LRRC31: variants seen among roughly 807,000 people sequenced by gnomAD.
LRRC31 encodes leucine rich repeat containing 31.
Under a neutral mutation model 46.7 loss-of-function variants are expected in LRRC31, and 35 were observed. The ratio of observed to expected loss-of-function variants is 0.75; its 90% CI spans 0.57 to 0.99. The LOEUF (loss-of-function observed/expected upper bound fraction) is 0.99, where lower values mean the gene tolerates loss of function less well. LRRC31 is among the 50% of genes least tolerant of loss of function. The pLI is 0.00. For synonymous variants in LRRC31, 236 were observed against 235.1 expected, an observed-to-expected ratio of 1.00 and a Z score of -0.03; for missense variants, 613 against 626.1, an observed-to-expected ratio of 0.98 and a Z score of 0.22.
intron 7 of LRRC31, among the ~76,000 whole-genome samples, chr3:169,851,346 G>A (rs1471276535): frequency 6.6e-6 from 1 of 152,116 alleles, no homozygotes; most frequent in Non-Finnish European, 1.5e-5. Context: ...CTGGGAAGCG[G>A]AGGTTGCAGT....
intron 2 of LRRC31, 45 bp downstream of exon 2, chr3:169,861,625 G>T: frequency 6.3e-7 from 1 of 1,595,756 alleles, no homozygotes. Flanking sequence ...TTATCTCAAT[G>T]GAAAGGCCCT....
chr3:169,851,538 C>A, intron 7 of LRRC31, 81 bp downstream of exon 7: 2 of 1,401,604 alleles, frequency 1.4e-6, no homozygotes, highest in Non-Finnish European at 2.0e-6. Flanking sequence ...CTGGCTGAGC[C>A]TTGGAATGAA....
chr3:169,863,581 T>C (rs1245970873), intron 1 of LRRC31, among the ~76,000 whole-genome samples: 1 of 152,246 alleles, frequency 6.6e-6, no homozygotes, highest in Non-Finnish European at 1.5e-5. Context: ...TTGGGATGCT[T>C]GGTGTTACCA....
Position 169,851,791 on chromosome 3 carries a change from T to TA in LRRC31, c.992-6dup. The TA allele has an allele frequency of 1.9e-6, 3 of 1,613,698 alleles. No individual in the cohort carries two copies. Among genetic ancestry groups the TA allele is most frequent in the Non-Finnish European group, 2.5e-6 (3 of 1,179,838 alleles). On this transcript the variant is annotated splice_region_variant and splice_polypyrimidine_tract_variant and intron_variant, in intron 6 of 8. Transcript: ENST00000316428. Reference sequence around the variant, plus strand: ...AAAGTAAAGGAATGACCTGGGCTGTTAAAAATATCAACAGTGACATGTTTT... The same window carrying TA: ...AAAGTAAAGGAATGACCTGGGCTGTTAAAAAATATCAACAGTGACATGTTTT...
At chr3:169,860,807 C>G in intron 2 of LRRC31, 79 bp from the exon 3 acceptor site, 1 of 1,414,940 alleles carries the variant, frequency 7.1e-7, no homozygotes, top group African/African-American at 1.4e-5. Context: ...TGCTTACATA[C>G]ACAGGATATA....
chr3:169,857,486 C>G (rs1781003564), intron 3 of LRRC31, among the ~76,000 whole-genome samples: 1 of 144,208 alleles, frequency 6.9e-6, no homozygotes, highest in Non-Finnish European at 1.5e-5. Flanking sequence ...AATAATAGAG[C>G]ATCAGGCACT....
In LRRC31 at chr3:169,848,134, T is replaced by A. The variant is rs747489734; in HGVS notation, c.1313A>T (p.Asp438Val). 1.1e-5 allele frequency: 18 copies of A among 1,613,382 alleles called. 1 individual carries two copies. Among genetic ancestry groups the A allele is most frequent in the East Asian group, 2.2e-5 (1 of 44,870 alleles). Residue 438 changes from aspartate (D) to valine (V), a missense_variant, in exon 8 of 9, where the codon GAT (aspartate) becomes GTT (valine). Coordinates refer to ENST00000316428, the MANE Select transcript of LRRC31 (RefSeq NM_024727.4). ...RLSSCSLVTE[D>V]VALLASVIQT... ...TAGATACACACCCAGGAGAGCCACA[T>A]CCTCTGTCACCAGGGAACAGCTGCT...
chr3:169,857,227 G>T (rs529940340), intron 3 of LRRC31, among the ~76,000 whole-genome samples: 2 of 150,000 alleles, frequency 1.3e-5, no homozygotes, highest in African/African-American at 2.5e-5. Flanking sequence ...CAGCATTTCT[G>T]AGAAGTTTGA....
chr3:169,861,716 T>C lies in LRRC31; in HGVS notation c.273A>G (p.Leu91=). ...TTGTTAATCCACAGTTATTCAAATCTAGACACTTGTTGACAGCCTTTTTGC... is the reference window on the plus strand; with the variant it reads ...TTGTTAATCCACAGTTATTCAAATCCAGACACTTGTTGACAGCCTTTTTGC... ...KLGKKAVNKC[L]DLNNCGLTTA... is the part of the protein sequence containing the mutation. The change falls in exon 2 of 9, where the codon CTA becomes CTG. Residue 91 remains leucine (L), a synonymous_variant. Transcript: ENST00000316428. 6.2e-7 allele frequency: 1 copy of C among 1,614,188 alleles called. No homozygotes were observed. The highest frequency in any genetic ancestry group is 8.5e-7 in the Non-Finnish European group (1 of 1,180,024).
intron 3 of LRRC31, among the ~76,000 whole-genome samples, chr3:169,859,006 C>CA (rs1252945211): frequency 0.014 from 87 of 6,302 alleles, 1 homozygote; most frequent in African/African-American, 0.025. Context: ...AACGCCATCT[C>CA]AAAAAAAAAA....
intron 3 of LRRC31, among the ~76,000 whole-genome samples, chr3:169,859,210 A>G (rs140426682): frequency 0.013 from 1,935 of 150,064 alleles, 38 homozygotes; most frequent in African/African-American, 0.045. Flanking sequence ...CAGGAGAATC[A>G]CTTGAACCTG....
At chr3:169,861,337 GA>G (rs1456033326) in intron 2 of LRRC31, among the ~76,000 whole-genome samples, 2 of 150,488 alleles carry the variant, frequency 1.3e-5, no homozygotes, top group Admixed American at 6.6e-5. Context: ...AAAGTGCTGG[GA>G]TTACAGGCGT....
intron 1 of LRRC31, among the ~76,000 whole-genome samples, chr3:169,862,074 G>A (rs1781184330): frequency 6.6e-6 from 1 of 152,194 alleles, no homozygotes; most frequent in Non-Finnish European, 1.5e-5. Context: ...TTCTCAGCAT[G>A]AAGACAGAGC....
chr3:169,863,008 G>A (rs1246436976), intron 1 of LRRC31, among the ~76,000 whole-genome samples: 4 of 151,330 alleles, frequency 2.6e-5, no homozygotes, highest in Admixed American at 1.3e-4. Context: ...TCAGCCTCCC[G>A]AGTAGCTGGG....
chr3:169,858,293 C>T (rs945474577), intron 3 of LRRC31, among the ~76,000 whole-genome samples: 1 of 152,192 alleles, frequency 6.6e-6, no homozygotes, highest in Non-Finnish European at 1.5e-5. Flanking sequence ...AGACTCCCTC[C>T]TCAACCAGGT....
chr3:169,860,554 A>G lies in LRRC31; in HGVS notation c.487+7T>C. 6.2e-7 allele frequency: 1 copy of G among 1,614,014 alleles called. No homozygotes were observed. ...AATCCATCTTTTAAGAAATGCATTC[A>G]TCATACCCAGTGCTTGAACATCGTC... On this transcript the variant is annotated splice_region_variant and intron_variant, in intron 3 of 8. Coordinates refer to ENST00000316428, the MANE Select transcript of LRRC31 (RefSeq NM_024727.4).
intron 5 of LRRC31, 97 bp from the exon 6 acceptor site, chr3:169,855,077 G>T: frequency 9.3e-7 from 1 of 1,070,550 alleles, no homozygotes; most frequent in Non-Finnish European, 1.4e-6. Context: ...GATTGCTTGA[G>T]CCCCGGAGTT....
chr3:169,858,462 G>A (rs1781038361), intron 3 of LRRC31, among the ~76,000 whole-genome samples: 1 of 152,206 alleles, frequency 6.6e-6, no homozygotes, highest in Non-Finnish European at 1.5e-5. Flanking sequence ...ATGATAACCA[G>A]CTGCTTAATG....
chr3:169,864,644 A>G (rs151034519), intron 1 of LRRC31, among the ~76,000 whole-genome samples: 28 of 152,354 alleles, frequency 1.8e-4, no homozygotes, highest in African/African-American at 5.8e-4. Context: ...ATGAATGAAT[A>G]TTGGTTTTAC....
Sources: gnomAD v4.1 joint callset for allele counts (sites outside exome capture counted in the v4.1 genomes callset) on GRCh38, gnomAD v4.1.1 for gene constraint, MANE v1.5 for transcripts, NCBI Gene and HGNC (gene_info 2026-07-23, HGNC 2026-07-21) for gene names.